PTPN2: variants seen among roughly 807,000 people sequenced by gnomAD.
The protein encoded by PTPN2 is protein tyrosine phosphatase non-receptor type 2.
A neutral mutation model predicts 57.3 loss-of-function variants in PTPN2; 19 were observed. The observed-to-expected ratio is 0.33, with a 90% CI of 0.23 to 0.49. The LOEUF (loss-of-function observed/expected upper bound fraction) is 0.49, where lower values mean the gene tolerates loss of function less well. Ranked by LOEUF, PTPN2 falls within the 20% of genes least tolerant of loss-of-function variation. The probability of loss-of-function intolerance (pLI) is 0.99; values close to 1 mark genes in which losing one functional copy is unlikely to be tolerated. For synonymous variants in PTPN2, 153 were observed against 164.9 expected (o/e 0.93, Z 0.55); for missense variants, 358 against 501.1 (o/e 0.71, Z 2.73).
At chr18:12,789,825 C>A (rs1454650677), downstream of PTPN2, among the ~76,000 whole-genome samples, 1 of 151,380 alleles carries the variant, frequency 6.6e-6, no homozygotes, top group Non-Finnish European at 1.5e-5. Flanking sequence ...TTTAAAATAT[C>A]TTTATTTTTA....
Position 12,809,417 on chromosome 18 carries a change from C to T in PTPN2, c.858+4786G>A, listed in dbSNP as rs546472167. ...AATTGTACATGCCAGAGAAGAAAAA[C>T]GCATATATAACCTATGCACTGGGAC... On this transcript the variant is annotated intron_variant, in intron 7 of 8. Coordinates refer to ENST00000309660, the MANE Select transcript of PTPN2 (RefSeq NM_002828.4). 5.0e-4 allele frequency among the ~76,000 whole-genome samples: 76 copies of T among 152,286 alleles called. 2 individuals are homozygous for T. The South Asian group carries it at 7.7e-3, about 15-fold the overall frequency.
At chr18:12,852,862 T>C (rs1282614875) in intron 2 of PTPN2, among the ~76,000 whole-genome samples, 2 of 152,212 alleles carry the variant, frequency 1.3e-5, no homozygotes, top group African/African-American at 4.8e-5. Context: ...AAAAGAAAGA[T>C]CTGGGACTCT....
chr18:12,817,863 G>T (rs151289809), intron 5 of PTPN2, among the ~76,000 whole-genome samples: 1 of 152,108 alleles, frequency 6.6e-6, no homozygotes, highest in African/African-American at 2.4e-5. Flanking sequence ...AATTTCTGCC[G>T]GGTGCAATGG....
chr18:12,872,537 G>C (rs1398570644), intron 1 of PTPN2, among the ~76,000 whole-genome samples: 6 of 152,112 alleles, frequency 3.9e-5, no homozygotes, highest in Admixed American at 1.3e-4. Flanking sequence ...CAGTTTCTTT[G>C]TTTTGAGACA....
At chr18:12,831,190 G>C (rs1043302492) in intron 3 of PTPN2, 149 bp from the exon 4 acceptor site, 35 of 524,670 alleles carry the variant, frequency 6.7e-5, no homozygotes, top group Non-Finnish European at 1.1e-4. Flanking sequence ...CAATCTACCT[G>C]ATTTCAAAAA....
intron 5 of PTPN2, among the ~76,000 whole-genome samples, chr18:12,822,548 T>C (rs1398447314): frequency 6.6e-6 from 1 of 152,224 alleles, no homozygotes; most frequent in Non-Finnish European, 1.5e-5. Flanking sequence ...GCTCCTGGTA[T>C]GTCATTTTGC....
chr18:12,873,928 T>C (rs1399949915), intron 1 of PTPN2, among the ~76,000 whole-genome samples: 23 of 147,234 alleles, frequency 1.6e-4, no homozygotes, highest in African/African-American at 5.6e-4. Context: ...GGAGCGCCTC[T>C]GCCCGGTCGC....
chr18:12,819,506 A>G (rs547981414), intron 5 of PTPN2, among the ~76,000 whole-genome samples: 8 of 152,102 alleles, frequency 5.3e-5, no homozygotes, highest in Admixed American at 2.0e-4. Context: ...CTGACTGTAC[A>G]CAAGCAACAC....
At chr18:12,883,462 G>A (rs1170411399) in intron 1 of PTPN2, among the ~76,000 whole-genome samples, 1 of 152,154 alleles carries the variant, frequency 6.6e-6, no homozygotes, top group African/African-American at 2.4e-5. Context: ...TCCGCCAGGA[G>A]AGCGAGCTTC....
At chr18:12,841,552 C>T (rs955428123) in intron 2 of PTPN2, among the ~76,000 whole-genome samples, 1 of 152,226 alleles carries the variant, frequency 6.6e-6, no homozygotes, top group African/African-American at 2.4e-5. Flanking sequence ...AGCACCATCA[C>T]AGCTTTGCTA....
At chr18:12,815,125 TAAATA>T (rs2145307921) in intron 6 of PTPN2, among the ~76,000 whole-genome samples, 2 of 118,718 alleles carry the variant, frequency 1.7e-5, no homozygotes, top group African/African-American at 5.7e-5. Flanking sequence ...AATAAATAAA[TAAATA>T]AATAAAAATG....
chr18:12,844,956 A>T (rs1033824562), intron 2 of PTPN2, among the ~76,000 whole-genome samples: 1 of 152,202 alleles, frequency 6.6e-6, no homozygotes, highest in African/African-American at 2.4e-5. Context: ...CTTTGTCAAA[A>T]AATCAGTTCA....
Position 12,855,732 on chromosome 18 carries a change from C to T in PTPN2, c.160+3432G>A, listed in dbSNP as rs143932671. Among the ~76,000 whole-genome samples, 8 of 152,180 alleles carry T rather than the reference C, an allele frequency of 5.3e-5. No individual in the cohort carries two copies. The East Asian group carries it at 9.7e-4, about 18-fold the overall frequency. On this transcript the variant is annotated intron_variant, in intron 2 of 8. Transcript: ENST00000309660. ...AACACTGGAGTCCACCCAAGGCACACGCTCATTTGCCCAAAGTGCAGAGAG... is the reference window on the plus strand; with the variant it reads ...AACACTGGAGTCCACCCAAGGCACATGCTCATTTGCCCAAAGTGCAGAGAG...
chr18:12,882,954 G>A (rs906227801), intron 1 of PTPN2, among the ~76,000 whole-genome samples: 14 of 152,190 alleles, frequency 9.2e-5, no homozygotes, highest in African/African-American at 3.4e-4. Context: ...ATTAAACGAA[G>A]GGGAAAGCAG....
chr18:12,855,255 A>G (rs1019141544), intron 2 of PTPN2, among the ~76,000 whole-genome samples: 7 of 152,178 alleles, frequency 4.6e-5, no homozygotes, highest in African/African-American at 1.7e-4. Context: ...ACAGGTAAGA[A>G]ATGTCCATCC....
intron 3 of PTPN2, among the ~76,000 whole-genome samples, chr18:12,836,499 A>T: frequency 6.6e-6 from 1 of 152,350 alleles, no homozygotes; most frequent in South Asian, 2.1e-4. Flanking sequence ...CATAAGCAGC[A>T]CTCTGTGTCA....
intron 1 of PTPN2, among the ~76,000 whole-genome samples, chr18:12,874,889 G>A (rs951227126): frequency 3.9e-5 from 6 of 152,218 alleles, no homozygotes; most frequent in Non-Finnish European, 7.4e-5. Context: ...GGAAAAGATT[G>A]AGAAATCGGA....
At chr18:12,838,372 G>A (rs960204447) in intron 2 of PTPN2, among the ~76,000 whole-genome samples, 3 of 152,212 alleles carry the variant, frequency 2.0e-5, no homozygotes, top group Non-Finnish European at 2.9e-5. Context: ...CCCTTGCCCA[G>A]CTATGCAGGA....
chr18:12,822,068 T>G (rs1367832585), intron 5 of PTPN2, among the ~76,000 whole-genome samples: 2 of 152,108 alleles, frequency 1.3e-5, no homozygotes, highest in Non-Finnish European at 1.5e-5. Context: ...ACTGAAAAAG[T>G]ATAAGAAGAA....
Sources: allele counts gnomAD v4.1 joint callset (sites outside exome capture counted in the v4.1 genomes callset), GRCh38; gene constraint gnomAD v4.1.1; transcripts MANE v1.5; gene names NCBI Gene and HGNC (gene_info 2026-07-23, HGNC 2026-07-21).